FGD4: variants seen among roughly 807,000 people sequenced by gnomAD.
FGD4 encodes the protein FYVE, RhoGEF and PH domain-containing protein 4.
FGD4 carries 42 observed loss-of-function variants against 102.0 expected under a neutral mutation model. The ratio of observed to expected loss-of-function variants is 0.41; its 90% confidence interval spans 0.32 to 0.53. FGD4 has a LOEUF of 0.53. Among genes scored for constraint, FGD4 ranks in the 20% least tolerant of loss-of-function variants. FGD4 has a pLI of 0.21. For missense variants in FGD4, 902 were observed against 1,078.2 expected (o/e 0.84, Z 2.29); for synonymous variants, 380 against 375.7 (o/e 1.01, Z -0.13).
At chr12:32,507,952 T>G (rs1185784514) in intron 1 of FGD4, among the ~76,000 whole-genome samples, 1 of 152,230 alleles carries the variant, frequency 6.6e-6, no homozygotes, top group Admixed American at 6.5e-5. Flanking sequence ...AGCCCTCAGA[T>G]TCATGTATTC....
intron 1 of FGD4, among the ~76,000 whole-genome samples, chr12:32,551,709 C>G (rs1239301662): frequency 6.6e-6 from 1 of 152,122 alleles, no homozygotes; most frequent in African/African-American, 2.4e-5. Flanking sequence ...TGTGCATGTG[C>G]CTAGCATTTG....
chr12:32,442,060 G>GTT (rs1340991132), intron 1 of FGD4, among the ~76,000 whole-genome samples: 2 of 123,886 alleles, frequency 1.6e-5, no homozygotes, highest in Admixed American at 7.8e-5. Flanking sequence ...TTTTTTTTTG[G>GTT]TTTTTTTTTT....
At chr12:32,636,516 A>G (rs1950825219) in intron 15 of FGD4, among the ~76,000 whole-genome samples, 1 of 151,898 alleles carries the variant, frequency 6.6e-6, no homozygotes, top group Non-Finnish European at 1.5e-5. Context: ...CTGGGCAACA[A>G]GAGCTAAACT....
At chr12:32,405,231 C>G (rs982255210) in intron 1 of FGD4, among the ~76,000 whole-genome samples, 9 of 148,984 alleles carry the variant, frequency 6.0e-5, no homozygotes, top group African/African-American at 2.2e-4. Context: ...CCGTGCCTGG[C>G]TCCAAGAACA....
chr12:32,626,262 T>C (rs142876450), intron 14 of FGD4, among the ~76,000 whole-genome samples: 252 of 152,188 alleles, frequency 1.7e-3, no homozygotes, highest in African/African-American at 5.8e-3. Context: ...CTGACCAACA[T>C]GGTGAAATCC....
chr12:32,600,677 A>G (rs974000826), intron 5 of FGD4, among the ~76,000 whole-genome samples: 11 of 145,166 alleles, frequency 7.6e-5, no homozygotes, highest in Admixed American at 6.4e-4. Flanking sequence ...TTACATTACT[A>G]TGCATTATTA....
intron 1 of FGD4, among the ~76,000 whole-genome samples, chr12:32,406,836 CAG>C (rs754446732): frequency 5.9e-5 from 9 of 151,692 alleles, no homozygotes; most frequent in Non-Finnish European, 1.3e-4. Context: ...TTTTTTGAGA[CAG>C]AGTCTTGCTC....
chr12:32,524,395 CAAAAAAA>C (rs959203100), intron 1 of FGD4, among the ~76,000 whole-genome samples: 1 of 69,336 alleles, frequency 1.4e-5, no homozygotes, highest in African/African-American at 5.8e-5. Context: ...GACTCTGTCT[CAAAAAAA>C]AAAAAAAAAA....
At chr12:32,442,965 T>G (rs1174889895) in intron 1 of FGD4, among the ~76,000 whole-genome samples, 1 of 152,248 alleles carries the variant, frequency 6.6e-6, no homozygotes, top group Non-Finnish European at 1.5e-5. Context: ...ATATATCTGT[T>G]GGCCATTTGT....
In FGD4 at chr12:32,502,218, A is replaced by G. The variant is rs560214063; in HGVS notation, c.167-61919A>G. The G allele has an allele frequency of 2.2e-4, 214 of 985,516 alleles. 1 individual carries two copies. In the African/African-American group the frequency reaches 3.6e-3, roughly 17 times the overall value. 61.0% of individuals were successfully genotyped at this position (985,516 alleles called of 1,614,324 possible). On this transcript the variant is annotated intron_variant, in intron 1 of 16. Coordinates refer to ENST00000534526, the MANE Select transcript of FGD4 (RefSeq NM_001370298.3). ...AGGGGAGCCTGTGCTGGGTGAGATT[A>G]TCTGCAATGGACCGGGTTAATGGGA...
chr12:32,628,810 T>G (rs1258233273), intron 14 of FGD4, among the ~76,000 whole-genome samples: 1 of 151,886 alleles, frequency 6.6e-6, no homozygotes, highest in Admixed American at 6.6e-5. Context: ...AAGAGCAATA[T>G]GTTTGGGGAT....
chr12:32,502,083 C>A, intron 1 of FGD4: 4 of 985,472 alleles, frequency 4.1e-6, no homozygotes, highest in Non-Finnish European at 4.8e-6. Context: ...AAGCAGTAGT[C>A]ACACACTTCT....
intron 1 of FGD4, among the ~76,000 whole-genome samples, chr12:32,485,065 C>T (rs1484754854): frequency 6.6e-6 from 1 of 152,096 alleles, no homozygotes; most frequent in Admixed American, 6.6e-5. Context: ...TAACACCCAG[C>T]TAATTTTTTA....
chr12:32,508,819 T>A (rs1421643691), intron 1 of FGD4, among the ~76,000 whole-genome samples: 1 of 152,250 alleles, frequency 6.6e-6, no homozygotes, highest in Admixed American at 6.5e-5. Flanking sequence ...GAGCAGCAGG[T>A]TCATGATTTC....
At chr12:32,423,067 A>G (rs935681926) in intron 1 of FGD4, among the ~76,000 whole-genome samples, 1 of 152,146 alleles carries the variant, frequency 6.6e-6, no homozygotes, top group Admixed American at 6.6e-5. Context: ...CCTTTTTTTA[A>G]TATCACTGAA....
intron 1 of FGD4, among the ~76,000 whole-genome samples, chr12:32,466,126 G>A (rs1375359403): frequency 3.3e-5 from 5 of 152,114 alleles, no homozygotes; most frequent in Non-Finnish European, 7.3e-5. Flanking sequence ...AAATATAATG[G>A]TATTGCACAT....
chr12:32,533,680 G>A (rs929346272), intron 1 of FGD4, among the ~76,000 whole-genome samples: 3 of 152,216 alleles, frequency 2.0e-5, no homozygotes, highest in East Asian at 1.9e-4. Flanking sequence ...CCACCTCGGC[G>A]TGCCAAAGTG....
At chr12:32,481,822 A>G (rs976674547) in intron 1 of FGD4, among the ~76,000 whole-genome samples, 21 of 151,400 alleles carry the variant, frequency 1.4e-4, no homozygotes, top group African/African-American at 5.1e-4. Flanking sequence ...CTGTCTCAAA[A>G]AAAAAAAAAA....
In FGD4 at chr12:32,644,113, G is replaced by A. The variant is rs1041795759; in HGVS notation, c.*3580G>A. ...AAGATTAAGCACATGATATTTATAA[G>A]CTAAAATTAACTCAAAAGTCAAGAA... On this transcript the variant is annotated 3_prime_UTR_variant, in exon 17 of 17. Transcript: ENST00000534526. 2.6e-5 allele frequency: 4 copies of A among 152,100 alleles called. No homozygotes were observed. The highest frequency in any genetic ancestry group is 9.7e-5 in the African/African-American group (4 of 41,426). The allele number at this position is 152,100 out of a possible 1,614,324, so 9.4% of individuals were successfully genotyped here.
Sources: gnomAD v4.1 joint callset for allele counts (sites outside exome capture counted in the v4.1 genomes callset) on GRCh38, gnomAD v4.1.1 for gene constraint, MANE v1.5 for transcripts, NCBI Gene and HGNC (gene_info 2026-07-23, HGNC 2026-07-21) for gene names.